PCDHGB2: variants seen among roughly 807,000 people sequenced by gnomAD.
PCDHGB2 encodes protocadherin gamma-B2.
PCDHGB2 carries 55 observed loss-of-function variants against 59.3 expected under a neutral mutation model. The observed-to-expected ratio is 0.93, with a 90% confidence interval of 0.75 to 1.16. The LOEUF (loss-of-function observed/expected upper bound fraction) is 1.16. Ranked by LOEUF, PCDHGB2 falls within the 50% of genes most tolerant of loss-of-function variation. The pLI, the probability that PCDHGB2 is intolerant of heterozygous loss-of-function variation, is 0.00. For synonymous variants in PCDHGB2, 516 were observed against 512.0 expected (o/e 1.01, Z -0.11); for missense variants, 1,228 against 1,198.5 (o/e 1.02, Z -0.36).
At chr5:141,403,612 G>A (rs1314297922) in intron 1 of PCDHGB2, 1 of 1,613,854 alleles carries the variant, frequency 6.2e-7, no homozygotes, top group Non-Finnish European at 8.5e-7. Flanking sequence ...GCGGCGAGCC[G>A]CGTCGCTCCA....
intron 2 of PCDHGB2, among the ~76,000 whole-genome samples, chr5:141,502,866 C>CTTTTT (rs549047197): frequency 1.6e-5 from 2 of 128,044 alleles, no homozygotes; most frequent in Non-Finnish European, 1.6e-5. Flanking sequence ...GACTCTCTGT[C>CTTTTT]TTTTTTTTTT....
At chr5:141,370,569 G>A (rs761678477) in intron 1 of PCDHGB2, 4 of 1,613,946 alleles carry the variant, frequency 2.5e-6, no homozygotes, top group Middle Eastern at 1.6e-4. Flanking sequence ...GTTTGGCGTG[G>A]GGGATTTACC....
rs1269660369 is a variant in PCDHGB2 at position 141,408,454 on chromosome 5, A to T, written c.2421+45898A>T. On this transcript the variant is annotated intron_variant, in intron 1 of 3. Transcript: ENST00000522605. ...GCGTAGACGCGGAGAGCGGGGACTT[A>T]CTTGTGAAGAACCGAATAGACCGTG... The T allele has an allele frequency of 4.3e-6, 7 of 1,613,934 alleles. No homozygotes were observed. The African/African-American group carries it at 9.3e-5, about 22-fold the overall frequency.
At chr5:141,383,767 A>G (rs1779455066) in intron 1 of PCDHGB2, 2 of 1,613,886 alleles carry the variant, frequency 1.2e-6, no homozygotes, top group South Asian at 2.2e-5. Flanking sequence ...TAAACTTCCA[A>G]AGATGTTTCA....
intron 1 of PCDHGB2, among the ~76,000 whole-genome samples, chr5:141,465,017 C>T (rs1278815002): frequency 6.6e-6 from 1 of 152,132 alleles, no homozygotes; most frequent in Non-Finnish European, 1.5e-5. Context: ...GCTAAGATTA[C>T]AGCCATGAAC....
At chr5:141,369,725 G>A (rs540933138) in intron 1 of PCDHGB2, among the ~76,000 whole-genome samples, 2 of 152,288 alleles carry the variant, frequency 1.3e-5, no homozygotes, top group African/African-American at 4.8e-5. Flanking sequence ...TTAGAAGTTA[G>A]AAGTAAAGGA....
chr5:141,433,365 A>G (rs1347170890), intron 1 of PCDHGB2: 7 of 523,718 alleles, frequency 1.3e-5, no homozygotes, highest in Non-Finnish European at 2.4e-5. Context: ...CTGCCTATCT[A>G]TCTATCTATC....
chr5:141,419,884 C>A lies in PCDHGB2; in HGVS notation c.2421+57328C>A. 1 of 1,614,088 alleles carries A rather than the reference C, an allele frequency of 6.2e-7. No individual in the cohort carries two copies. The highest frequency in any genetic ancestry group is 8.5e-7 in the Non-Finnish European group (1 of 1,179,896). On this transcript the variant is annotated intron_variant, in intron 1 of 3. Transcript: ENST00000522605. ...GCTTGCAAGAGGTACTGCCGGATTT[C>A]AGCGACCATCCCACACCCTCTGACT... is the stretch of plus-strand genomic sequence containing the variant.
At chr5:141,392,893 G>C in intron 1 of PCDHGB2, 1 of 1,613,780 alleles carries the variant, frequency 6.2e-7, no homozygotes, top group South Asian at 1.1e-5. Flanking sequence ...TGGGAAATCG[G>C]GAGGGGACAG....
intron 1 of PCDHGB2, among the ~76,000 whole-genome samples, chr5:141,468,963 C>G (rs951670777): frequency 1.3e-5 from 2 of 150,940 alleles, no homozygotes; most frequent in Admixed American, 6.6e-5. Context: ...TTTTTTTTAC[C>G]TTAGGCTTTT....
intron 3 of PCDHGB2, 111 bp from the exon 4 acceptor site, chr5:141,510,836 G>C: frequency 6.3e-7 from 1 of 1,584,882 alleles, no homozygotes; most frequent in African/African-American, 1.3e-5. Flanking sequence ...TGCTCAGCGT[G>C]GTCAAGGCCC....
chr5:141,475,343 G>A (rs1425482944), intron 1 of PCDHGB2, among the ~76,000 whole-genome samples: 1 of 152,178 alleles, frequency 6.6e-6, no homozygotes, highest in Non-Finnish European at 1.5e-5. Flanking sequence ...ATGACATCCA[G>A]TTTTAAAAGA....
At position 141,491,502 on chromosome 5, in the gene PCDHGB2, C is replaced by G. The variant is rs751961360; in HGVS notation, c.2422-3305C>G. 1.4e-5 allele frequency: 23 copies of G among 1,614,080 alleles called. No homozygotes were observed. Among genetic ancestry groups the G allele is most frequent in the Non-Finnish European group, 1.8e-5 (21 of 1,180,006 alleles). ...GCCCCAACCTGCAGGTGAGCTCGGA[C>G]GGCACGCTCAAGTACATGGAGGTGA... On this transcript the variant is annotated intron_variant, in intron 1 of 3. Coordinates refer to ENST00000522605, the MANE Select transcript of PCDHGB2 (RefSeq NM_018923.3). This position sits in a 1 kb window ranked among gnomAD's most constrained non-coding sequence, Gnocchi z 6.9.
chr5:141,376,255 G>C, intron 1 of PCDHGB2: 1 of 1,614,256 alleles, frequency 6.2e-7, no homozygotes, highest in Non-Finnish European at 8.5e-7. Context: ...AGTCACGCCT[G>C]CTGCAGGCTT....
intron 1 of PCDHGB2, chr5:141,402,822 C>G (rs1038768509): frequency 7.7e-7 from 1 of 1,302,260 alleles, no homozygotes; most frequent in African/African-American, 1.5e-5. Flanking sequence ...CAAACCTGCT[C>G]CCAGGCTGCA....
At chr5:141,388,376 C>A in intron 1 of PCDHGB2, 1 of 1,613,944 alleles carries the variant, frequency 6.2e-7, no homozygotes, top group Non-Finnish European at 8.5e-7. Context: ...ATATTGGTAG[C>A]AACACACTGC....
chr5:141,365,129 A>G, intron 1 of PCDHGB2: 1 of 1,613,908 alleles, frequency 6.2e-7, no homozygotes, highest in Non-Finnish European at 8.5e-7. Context: ...GCTAACCGCC[A>G]CGGATCCAGA....
rs369791160 is a variant in PCDHGB2 at position 141,431,269 on chromosome 5, C to G, written c.2422-63538C>G. On this transcript the variant is annotated intron_variant, in intron 1 of 3. Transcript: ENST00000522605. This position sits in a 1 kb window ranked among gnomAD's most constrained non-coding sequence, Gnocchi z 4.8. ...TCGGGAAGAACTCTCTGCAGAGCTA[C>G]GAGCTCAGCCCGAACACTCACTTCT... 1.4e-5 allele frequency: 22 copies of G among 1,614,034 alleles called. No individual in the cohort carries two copies. The highest frequency in any genetic ancestry group is 2.7e-5 in the African/African-American group (2 of 74,954).
chr5:141,385,665 A>G (rs2090316911), intron 1 of PCDHGB2: 1 of 462,016 alleles, frequency 2.2e-6, no homozygotes, highest in Admixed American at 5.1e-5. Flanking sequence ...AGCAGGAATA[A>G]AACACACCTC....
Sources: allele counts gnomAD v4.1 joint callset (sites outside exome capture counted in the v4.1 genomes callset), GRCh38; gene constraint gnomAD v4.1.1; non-coding constraint Gnocchi (gnomAD v3.1); transcripts MANE v1.5; gene names NCBI Gene and HGNC (gene_info 2026-07-23, HGNC 2026-07-21).